The following B3GALT1 variants were observed in gnomAD, a reference collection of about 807,000 sequenced individuals.
B3GALT1 encodes the protein beta-1,3-galactosyltransferase 1.
B3GALT1 carries 10 observed loss-of-function variants against 23.2 expected under a neutral mutation model. The ratio of observed to expected loss-of-function variants is 0.43; its 90% confidence interval spans 0.27 to 0.73. The LOEUF is 0.73. Among genes scored for constraint, B3GALT1 ranks in the 30% least tolerant of loss-of-function variants. B3GALT1 has a pLI of 0.21. For missense variants in B3GALT1, 299 were observed against 405.4 expected, an observed-to-expected ratio of 0.74 and a Z score of 2.25; for synonymous variants, 156 against 141.5, an observed-to-expected ratio of 1.10 and a Z score of -0.73.
At chr2:167,703,907 C>T (rs1416021058) in intron 3 of B3GALT1, among the ~76,000 whole-genome samples, 5 of 152,080 alleles carry the variant, frequency 3.3e-5, no homozygotes, top group Admixed American at 2.0e-4. Context: ...CAGGGCCCGG[C>T]GCGGTGGCTC....
At chr2:167,731,727 A>C (rs1687413568) in intron 3 of B3GALT1, among the ~76,000 whole-genome samples, 1 of 152,198 alleles carries the variant, frequency 6.6e-6, no homozygotes, top group Admixed American at 6.6e-5. Context: ...TTAAAATTAA[A>C]GGCTTCCATT....
intron 1 of B3GALT1, among the ~76,000 whole-genome samples, chr2:167,379,395 C>T (rs1251343594): frequency 6.6e-6 from 1 of 151,988 alleles, no homozygotes; most frequent in Non-Finnish European, 1.5e-5. Flanking sequence ...ACTTTCTTTC[C>T]CTATAATATT....
intron 3 of B3GALT1, among the ~76,000 whole-genome samples, chr2:167,656,710 T>C (rs917175901): frequency 3.9e-5 from 6 of 152,188 alleles, no homozygotes; most frequent in African/African-American, 1.4e-4. Flanking sequence ...CTACAGCTTA[T>C]TGTTGGTGAA....
In B3GALT1 at chr2:167,873,281, G is replaced by A. The variant is rs141223928; in HGVS notation, c.*3261G>A. 2 of 151,940 alleles carry A rather than the reference G, an allele frequency of 1.3e-5. No individual in the cohort carries two copies. The highest frequency in any genetic ancestry group is 2.9e-5 in the Non-Finnish European group (2 of 67,950). The allele number at this position is 151,940 out of a possible 1,614,324, so 9.4% of individuals were successfully genotyped here. A position where few individuals can be genotyped will look rare whatever the true frequency, so the allele number is the denominator to read the frequency against. On this transcript the variant is annotated 3_prime_UTR_variant, in exon 5 of 5. Transcript: ENST00000392690. ...CGTTTCTCTTTGGTGGCTAGTTTCGGTGGCTTGGTGTCTTCTTATATTGGA... is the reference window on the plus strand; with the variant it reads ...CGTTTCTCTTTGGTGGCTAGTTTCGATGGCTTGGTGTCTTCTTATATTGGA...
Position 167,302,027 on chromosome 2 carries a change from A to G in B3GALT1, c.-511+8693A>G, listed in dbSNP as rs1293481095. Among the ~76,000 whole-genome samples the G allele has an allele frequency of 3.3e-5, 5 of 152,200 alleles. No individual in the cohort carries two copies. In the East Asian group the frequency reaches 9.6e-4, roughly 29 times the overall value. On this transcript the variant is annotated intron_variant, in intron 1 of 4. Coordinates refer to ENST00000392690, the MANE Select transcript of B3GALT1 (RefSeq NM_020981.4). ...TAATTCCATGGAATTAATCAGAGAC[A>G]TTTGTAGTAGTGTGATGGTAGAAAT...
intron 3 of B3GALT1, among the ~76,000 whole-genome samples, chr2:167,800,130 A>G (rs192197381): frequency 7.2e-5 from 11 of 152,354 alleles, no homozygotes; most frequent in Admixed American, 7.2e-4. Context: ...TAAAAAGTTC[A>G]TGCTGGGTGA....
chr2:167,671,083 G>A (rs1244737520), intron 3 of B3GALT1, among the ~76,000 whole-genome samples: 6 of 152,078 alleles, frequency 3.9e-5, no homozygotes, highest in African/African-American at 1.2e-4. Context: ...ACTGTGACAA[G>A]ACCAAGAAGG....
chr2:167,509,573 A>G (rs1385308199), intron 2 of B3GALT1, among the ~76,000 whole-genome samples: 2 of 152,194 alleles, frequency 1.3e-5, no homozygotes, highest in Non-Finnish European at 2.9e-5. Context: ...ATGGCCGAAG[A>G]AGCCCTTTTC....
chr2:167,423,915 G>T (rs775399172), intron 1 of B3GALT1, among the ~76,000 whole-genome samples: 2 of 152,120 alleles, frequency 1.3e-5, no homozygotes, highest in Admixed American at 6.5e-5. Flanking sequence ...AATAAATATT[G>T]AATGGATGCC....
At chr2:167,358,808 T>A (rs531958161) in intron 1 of B3GALT1, among the ~76,000 whole-genome samples, 6 of 152,124 alleles carry the variant, frequency 3.9e-5, no homozygotes, top group African/African-American at 1.2e-4. Context: ...AAGGCAAAAG[T>A]TTTTTATTTT....
At chr2:167,701,474 T>C (rs1686881440) in intron 3 of B3GALT1, among the ~76,000 whole-genome samples, 2 of 152,154 alleles carry the variant, frequency 1.3e-5, no homozygotes, top group Admixed American at 6.5e-5. Flanking sequence ...CCTATAAAGA[T>C]ACCTATGATG....
intron 3 of B3GALT1, among the ~76,000 whole-genome samples, chr2:167,800,383 T>C (rs1467076030): frequency 6.6e-6 from 1 of 152,094 alleles, no homozygotes; most frequent in East Asian, 1.9e-4. Flanking sequence ...TTAAGTAAAA[T>C]GTTTAGGGAG....
intron 4 of B3GALT1, among the ~76,000 whole-genome samples, chr2:167,837,580 A>C (rs1689509949): frequency 6.6e-6 from 1 of 151,072 alleles, no homozygotes; most frequent in Admixed American, 6.6e-5. Context: ...TAATAATGGG[A>C]GACTTTAACA....
At chr2:167,755,787 A>G (rs1011256902) in intron 3 of B3GALT1, among the ~76,000 whole-genome samples, 1 of 151,682 alleles carries the variant, frequency 6.6e-6, no homozygotes. Flanking sequence ...GGGCAACACA[A>G]TGAGACCTCA....
rs977390311 is a variant in B3GALT1 at position 167,693,750 on chromosome 2, T to C, written c.-352+46784T>C. On this transcript the variant is annotated intron_variant, in intron 3 of 4. Coordinates refer to ENST00000392690, the MANE Select transcript of B3GALT1 (RefSeq NM_020981.4). ...ACTATAGATTATCCCCTACTTGAAA[T>C]GGTCTCTTCCCTGTTCTTCTATAAC... Among the ~76,000 whole-genome samples, 3 of 152,130 alleles carry C rather than the reference T, an allele frequency of 2.0e-5. No individual in the cohort carries two copies. In the South Asian group the frequency reaches 6.2e-4, roughly 31 times the overall value.
intron 1 of B3GALT1, among the ~76,000 whole-genome samples, chr2:167,445,400 G>A (rs1278674775): frequency 3.9e-5 from 6 of 152,198 alleles, no homozygotes; most frequent in Non-Finnish European, 8.8e-5. Context: ...GCAGAGCTGA[G>A]TTAAATTCCT....
At chr2:167,353,561 T>C (rs1181600271) in intron 1 of B3GALT1, among the ~76,000 whole-genome samples, 1 of 152,202 alleles carries the variant, frequency 6.6e-6, no homozygotes, top group Non-Finnish European at 1.5e-5. Context: ...GGGTGTCTTA[T>C]TTATTCAATG....
chr2:167,628,576 A>G (rs1484108716), intron 2 of B3GALT1, among the ~76,000 whole-genome samples: 1 of 151,810 alleles, frequency 6.6e-6, no homozygotes, highest in Non-Finnish European at 1.5e-5. Context: ...AATAAAAGAT[A>G]AGCAAGCTAG....
intron 1 of B3GALT1, among the ~76,000 whole-genome samples, chr2:167,458,318 G>A (rs1699202952): frequency 6.6e-6 from 1 of 152,178 alleles, no homozygotes; most frequent in African/African-American, 2.4e-5. Flanking sequence ...TAAGATTCCA[G>A]TGTATGTACA....
Sources: allele counts gnomAD v4.1 joint callset (sites outside exome capture counted in the v4.1 genomes callset), GRCh38; gene constraint gnomAD v4.1.1; transcripts MANE v1.5; gene names NCBI Gene and HGNC (gene_info 2026-07-23, HGNC 2026-07-21).